The following CACNG4 variants were observed in gnomAD, a reference collection of about 807,000 sequenced individuals.
CACNG4 encodes the protein calcium voltage-gated channel auxiliary subunit gamma 4.
In CACNG4, 8 loss-of-function variants were observed where a neutral mutation model predicts 22.9. The observed-to-expected ratio is 0.35, with a 90% CI of 0.21 to 0.63. The LOEUF (loss-of-function observed/expected upper bound fraction) is 0.63, where lower values mean the gene tolerates loss of function less well. Among genes scored for constraint, CACNG4 ranks in the 30% least tolerant of loss-of-function variants. The pLI is 0.72. For missense variants in CACNG4, 357 were observed against 455.4 expected (o/e 0.78, Z 1.97); for synonymous variants, 188 against 191.9 (o/e 0.98, Z 0.17).
chr17:67,011,703 T>A (rs1374644045), intron 1 of CACNG4, among the ~76,000 whole-genome samples: 1 of 152,152 alleles, frequency 6.6e-6, no homozygotes, highest in East Asian at 1.9e-4. Flanking sequence ...AATGATTGAG[T>A]GATGAGCAAA....
chr17:66,979,050 G>C (rs9912216), intron 1 of CACNG4, among the ~76,000 whole-genome samples: 23,692 of 151,806 alleles, frequency 0.16, 3,509 homozygotes, highest in African/African-American at 0.39. Context: ...TCACCCTGGT[G>C]GTTTCTGATG....
intron 1 of CACNG4, among the ~76,000 whole-genome samples, chr17:66,990,159 G>A (rs2035330492): frequency 6.6e-6 from 1 of 152,172 alleles, no homozygotes; most frequent in South Asian, 2.1e-4. Context: ...TTAGCTTGGG[G>A]ACCTCTTGCA....
chr17:67,011,997 T>C (rs1445669689), intron 1 of CACNG4, among the ~76,000 whole-genome samples: 1 of 152,148 alleles, frequency 6.6e-6, no homozygotes. Flanking sequence ...GTGCACCTGG[T>C]GGCTATCTGG....
intron 1 of CACNG4, among the ~76,000 whole-genome samples, chr17:66,973,670 G>T (rs1441398048): frequency 6.6e-6 from 1 of 152,182 alleles, no homozygotes; most frequent in African/African-American, 2.4e-5. Context: ...CCTCCATCGC[G>T]GTTAACCTGC....
chr17:66,971,674 C>G (rs1380451359), intron 1 of CACNG4, among the ~76,000 whole-genome samples: 1 of 152,034 alleles, frequency 6.6e-6, no homozygotes, highest in Non-Finnish European at 1.5e-5. Context: ...ATGTTTAAGC[C>G]AAAACCTGAA....
intron 1 of CACNG4, among the ~76,000 whole-genome samples, chr17:66,999,397 G>A (rs2035394364): frequency 6.6e-6 from 1 of 152,136 alleles, no homozygotes; most frequent in South Asian, 2.1e-4. Flanking sequence ...GAAGACTGGT[G>A]TATTAGTCCG....
At chr17:67,025,023 T>G (rs1344744221) in intron 3 of CACNG4, 23 bp downstream of exon 3, 6 of 1,564,934 alleles carry the variant, frequency 3.8e-6, no homozygotes, top group Non-Finnish European at 5.2e-6. Flanking sequence ...CCCGGGCTGG[T>G]GCTGGGCCGG....
At chr17:66,968,435 TCTCCCCTC>T (rs1160504195) in intron 1 of CACNG4, among the ~76,000 whole-genome samples, 1 of 141,506 alleles carries the variant, frequency 7.1e-6, no homozygotes, top group Non-Finnish European at 1.5e-5. Context: ...TCTCCTCTCT[TCTCCCCTC>T]CTCCCCTCTC....
At chr17:66,998,661 T>C (rs1189264069) in intron 1 of CACNG4, among the ~76,000 whole-genome samples, 1 of 152,216 alleles carries the variant, frequency 6.6e-6, no homozygotes, top group Non-Finnish European at 1.5e-5. Context: ...TGTCAGTGCC[T>C]GGCTGAGCTC....
chr17:67,008,186 A>T (rs1018944692), intron 1 of CACNG4, among the ~76,000 whole-genome samples: 32 of 152,198 alleles, frequency 2.1e-4, no homozygotes, highest in African/African-American at 7.7e-4. Context: ...CGAGGGTCTC[A>T]TGGAGAGCCA....
chr17:67,005,248 T>C (rs142620429), intron 1 of CACNG4, among the ~76,000 whole-genome samples: 398 of 152,338 alleles, frequency 2.6e-3, no homozygotes, highest in Middle Eastern at 0.01. Flanking sequence ...TTGGTCCAGC[T>C]TGGGCCAGAG....
At chr17:67,020,719 G>A (rs1024071634) in intron 2 of CACNG4, among the ~76,000 whole-genome samples, 4 of 152,216 alleles carry the variant, frequency 2.6e-5, no homozygotes, top group African/African-American at 7.2e-5. Context: ...TTCAGAGACA[G>A]GCCAAGGTCA....
At chr17:66,986,708 T>A (rs1470397249) in intron 1 of CACNG4, among the ~76,000 whole-genome samples, 1 of 152,216 alleles carries the variant, frequency 6.6e-6, no homozygotes, top group Non-Finnish European at 1.5e-5. Context: ...TTCCAGTGGT[T>A]GCTGGCAATC....
intron 1 of CACNG4, among the ~76,000 whole-genome samples, chr17:66,995,354 C>G (rs190261161): frequency 4.6e-5 from 7 of 152,148 alleles, no homozygotes; most frequent in Non-Finnish European, 7.4e-5. Context: ...TGTGATCACA[C>G]GGCAGCCTCT....
At chr17:66,988,651 C>T (rs1481435823) in intron 1 of CACNG4, among the ~76,000 whole-genome samples, 1 of 152,018 alleles carries the variant, frequency 6.6e-6, no homozygotes, top group Non-Finnish European at 1.5e-5. Flanking sequence ...TCCAGAGGCT[C>T]TAAGGAGATA....
rs186902080 is a variant in CACNG4 at position 66,968,358 on chromosome 17, C to T, written c.220+3227C>T. Reference sequence around the variant, plus strand: ...GGATGCACAACGGATACATAAATTGCGTAACACACCTTTTCCCTTCTTTTC... The same window carrying T: ...GGATGCACAACGGATACATAAATTGTGTAACACACCTTTTCCCTTCTTTTC... On this transcript the variant is annotated intron_variant, in intron 1 of 3. Coordinates refer to ENST00000262138, the MANE Select transcript of CACNG4 (RefSeq NM_014405.4). Among the ~76,000 whole-genome samples the T allele has an allele frequency of 8.9e-3, 1,355 of 152,208 alleles. 9 individuals are homozygous for T. The highest frequency in any genetic ancestry group is 0.019 in the African/African-American group (798 of 41,524).
intron 2 of CACNG4, among the ~76,000 whole-genome samples, chr17:67,022,720 C>G (rs549455439): frequency 6.6e-6 from 1 of 152,348 alleles, no homozygotes; most frequent in African/African-American, 2.4e-5. Context: ...CGGGGGCCAC[C>G]AAGGGTCCAT....
intron 2 of CACNG4, among the ~76,000 whole-genome samples, chr17:67,022,076 C>CTT (rs58541858): frequency 0.32 from 43,632 of 136,800 alleles, 8,307 homozygotes; most frequent in South Asian, 0.54. Flanking sequence ...AGCAACTGGG[C>CTT]TTTTTTTTTT....
chr17:66,973,888 G>A (rs2035219901), intron 1 of CACNG4, among the ~76,000 whole-genome samples: 1 of 152,228 alleles, frequency 6.6e-6, no homozygotes, highest in African/African-American at 2.4e-5. Flanking sequence ...GTATCCCCAT[G>A]AGACTCCGGG....
Sources: allele counts gnomAD v4.1 joint callset (sites outside exome capture counted in the v4.1 genomes callset), GRCh38; gene constraint gnomAD v4.1.1; transcripts MANE v1.5; gene names NCBI Gene and HGNC (gene_info 2026-07-23, HGNC 2026-07-21).